Variants in BTBD9 observed in about 807,000 individuals in gnomAD.
BTBD9 encodes the protein BTB domain containing 9.
In BTBD9, 49 loss-of-function variants were observed where a neutral mutation model predicts 64.3. The observed-to-expected ratio is 0.76, with a 90% CI of 0.61 to 0.97. BTBD9 has a LOEUF of 0.97. BTBD9 is among the 50% of genes least tolerant of loss of function. The pLI, the probability that BTBD9 is intolerant of heterozygous loss-of-function variation, is 0.00. For synonymous variants in BTBD9, 260 were observed against 274.7 expected (o/e 0.95, Z 0.53); for missense variants, 598 against 762.1 (o/e 0.78, Z 2.53).
chr6:38,275,780 A>C (rs893700817), intron 8 of BTBD9, among the ~76,000 whole-genome samples: 25 of 152,290 alleles, frequency 1.6e-4, no homozygotes, highest in African/African-American at 5.8e-4. Flanking sequence ...GAGAAATGCA[A>C]ATCAAAACCA....
chr6:38,580,057 A>G (rs1212289644), intron 5 of BTBD9, among the ~76,000 whole-genome samples, 161 bp downstream of exon 5: 1 of 152,254 alleles, frequency 6.6e-6, no homozygotes, highest in Non-Finnish European at 1.5e-5. Flanking sequence ...TTTCTTTTAA[A>G]GAAATATATC....
rs777024801 is a variant in BTBD9 at position 38,175,199 on chromosome 6, A to G, written c.1642-17T>C. 1.9e-6 allele frequency: 3 copies of G among 1,613,930 alleles called. No homozygotes were observed. Among genetic ancestry groups the G allele is most frequent in the South Asian group, 2.2e-5 (2 of 91,082 alleles). On this transcript the variant is annotated splice_polypyrimidine_tract_variant and intron_variant, in intron 10 of 10. Coordinates refer to ENST00000481247, the MANE Select transcript of BTBD9 (RefSeq NM_001099272.2). ...GTGGAACACCTGGGAGAGAAAAGGA[A>G]AAGACCCCATGAGTGAAGGGTCAGC... is the stretch of plus-strand genomic sequence containing the variant.
intron 9 of BTBD9, among the ~76,000 whole-genome samples, chr6:38,210,916 G>C (rs1762811556): frequency 6.6e-6 from 1 of 152,100 alleles, no homozygotes; most frequent in African/African-American, 2.4e-5. Flanking sequence ...CACATTACCA[G>C]GCGTCCCAGT....
intron 6 of BTBD9, among the ~76,000 whole-genome samples, chr6:38,349,177 C>T (rs1050442732): frequency 4.6e-5 from 7 of 152,150 alleles, no homozygotes; most frequent in Admixed American, 6.5e-5. Context: ...TGTGAGCCAC[C>T]GCACCTGACC....
At chr6:38,253,669 TC>T (rs1764476415) in intron 9 of BTBD9, among the ~76,000 whole-genome samples, 1 of 152,204 alleles carries the variant, frequency 6.6e-6, no homozygotes, top group East Asian at 1.9e-4. Flanking sequence ...CAAGGTCTGG[TC>T]TGGGAGCTGT....
chr6:38,547,467 C>T (rs1288870805), intron 6 of BTBD9, among the ~76,000 whole-genome samples: 1 of 152,052 alleles, frequency 6.6e-6, no homozygotes, highest in African/African-American at 2.4e-5. Flanking sequence ...CCTGCTAAAA[C>T]AAATCCTTTA....
chr6:38,336,744 G>A (rs1763910279), intron 7 of BTBD9, among the ~76,000 whole-genome samples: 1 of 152,106 alleles, frequency 6.6e-6, no homozygotes, highest in Admixed American at 6.5e-5. Context: ...TCTGGTTAGT[G>A]CCCCCTGTTC....
chr6:38,340,892 G>T (rs1234053387), intron 7 of BTBD9, among the ~76,000 whole-genome samples: 5 of 152,100 alleles, frequency 3.3e-5, no homozygotes, highest in African/African-American at 1.2e-4. Context: ...TACCTATGGA[G>T]CATTATTACC....
Position 38,245,551 on chromosome 6 carries a change from G to C in BTBD9, c.1562+10858C>G, listed in dbSNP as rs1764159621. 2.6e-5 allele frequency among the ~76,000 whole-genome samples: 4 copies of C among 152,318 alleles called. No individual in the cohort carries two copies. In the South Asian group the frequency reaches 8.3e-4, roughly 32 times the overall value. On this transcript the variant is annotated intron_variant, in intron 9 of 10. Transcript: ENST00000481247. Reference sequence around the variant, plus strand: ...GTATGGAGAGGCAGGGGGCCAGATTGTGCAGGGCACTCTAGGCCACGCAAA... The same window carrying C: ...GTATGGAGAGGCAGGGGGCCAGATTCTGCAGGGCACTCTAGGCCACGCAAA...
At chr6:38,629,833 T>G (rs776795223) in intron 1 of BTBD9, among the ~76,000 whole-genome samples, 10 of 151,432 alleles carry the variant, frequency 6.6e-5, no homozygotes, top group Admixed American at 5.9e-4. Context: ...AAAAAAGAAA[T>G]AAATAAATAA....
At chr6:38,520,333 C>T (rs1411145692) in intron 6 of BTBD9, among the ~76,000 whole-genome samples, 1 of 152,024 alleles carries the variant, frequency 6.6e-6, no homozygotes, top group East Asian at 1.9e-4. Context: ...TGGTGACACG[C>T]ATCTGTCGTC....
intron 6 of BTBD9, among the ~76,000 whole-genome samples, chr6:38,447,149 G>A (rs1308033625): frequency 2.6e-5 from 4 of 152,058 alleles, no homozygotes; most frequent in African/African-American, 4.8e-5. Context: ...AAAATATATC[G>A]AGATCTGTAA....
intron 9 of BTBD9, among the ~76,000 whole-genome samples, chr6:38,233,885 C>T (rs1485261871): frequency 1.3e-5 from 2 of 152,186 alleles, no homozygotes; most frequent in African/African-American, 4.8e-5. Context: ...ATTTGATTTT[C>T]AAATCAGTTT....
chr6:38,410,275 A>T (rs1767361427), intron 6 of BTBD9, among the ~76,000 whole-genome samples: 1 of 151,856 alleles, frequency 6.6e-6, no homozygotes, highest in Non-Finnish European at 1.5e-5. Flanking sequence ...ATCACTTGAG[A>T]CCACCCTGGG....
chr6:38,589,813 T>C (rs1001260960), intron 4 of BTBD9, among the ~76,000 whole-genome samples: 2 of 152,206 alleles, frequency 1.3e-5, no homozygotes, highest in African/African-American at 2.4e-5. Context: ...TGAGCTACCA[T>C]TGACCATTGG....
At chr6:38,612,458 C>T (rs1011439179) in intron 1 of BTBD9, among the ~76,000 whole-genome samples, 21 of 152,224 alleles carry the variant, frequency 1.4e-4, no homozygotes, top group Non-Finnish European at 7.3e-5. Flanking sequence ...ATAACTGCAA[C>T]TCCTTCTCCA....
intron 9 of BTBD9, among the ~76,000 whole-genome samples, chr6:38,199,373 T>C (rs1356094024): frequency 1.3e-5 from 2 of 152,100 alleles, no homozygotes; most frequent in Non-Finnish European, 2.9e-5. Context: ...GAGCTACAGA[T>C]ACTGAACGAC....
chr6:38,453,571 T>A (rs149349993), intron 6 of BTBD9, among the ~76,000 whole-genome samples: 1 of 152,158 alleles, frequency 6.6e-6, no homozygotes, highest in Non-Finnish European at 1.5e-5. Flanking sequence ...TTATCACTTT[T>A]AAATGACAAG....
At chr6:38,444,363 A>G (rs1769177633) in intron 6 of BTBD9, among the ~76,000 whole-genome samples, 1 of 152,216 alleles carries the variant, frequency 6.6e-6, no homozygotes, top group Non-Finnish European at 1.5e-5. Flanking sequence ...AAAGAATCAT[A>G]TGGCTGGATG....
Sources: gnomAD v4.1 joint callset for allele counts (sites outside exome capture counted in the v4.1 genomes callset) on GRCh38, gnomAD v4.1.1 for gene constraint, MANE v1.5 for transcripts, NCBI Gene and HGNC (gene_info 2026-07-23, HGNC 2026-07-21) for gene names.